LATS2: variants seen among roughly 807,000 people sequenced by gnomAD.
LATS2 encodes large tumor suppressor kinase 2.
LATS2 carries 24 observed loss-of-function variants against 76.0 expected under a neutral mutation model. That is an observed-to-expected ratio of 0.32 (90% CI 0.23 to 0.44). LATS2 has a LOEUF of 0.44. LATS2 is among the 20% of genes least tolerant of loss of function. The pLI is 1.00. For missense variants in LATS2, 1,286 were observed against 1,481.2 expected (o/e 0.87, Z 2.16); for synonymous variants, 692 against 635.4 (o/e 1.09, Z -1.34).
Position 20,981,589 on chromosome 13 carries a change from A to T in LATS2, c.2542T>A (p.Cys848Ser), listed in dbSNP as rs1278399213. ...PSDLWDDVSN[C>S]RCGDRLKTLE... ...GTCTTCAGCCTGTCCCCACACCGAC[A>T]GTTAGACACATCATCCCAGAGGTCG... is the stretch of plus-strand genomic sequence containing the variant. Residue 848 changes from cysteine (C) to serine (S), a missense_variant, in exon 6 of 8, where the codon TGT (cysteine) becomes AGT (serine). Cys to Ser is a moderately radical substitution (Grantham distance 112, BLOSUM62 -1). Around this residue, in one of 5 missense-constraint regions of LATS2, gnomAD observed 247 missense variants for 385.4 expected, o/e 0.64. Transcript: ENST00000382592. The T allele has an allele frequency of 6.2e-7, 1 of 1,614,072 alleles. No homozygotes were observed. Among genetic ancestry groups the T allele is most frequent in the Non-Finnish European group, 8.5e-7 (1 of 1,180,024 alleles).
At chr13:21,012,611 G>A (rs1056998535) in intron 2 of LATS2, among the ~76,000 whole-genome samples, 1 of 152,158 alleles carries the variant, frequency 6.6e-6, no homozygotes, top group African/African-American at 2.4e-5. Flanking sequence ...CCTATCTTAT[G>A]ATTCTTTTCT....
At chr13:21,060,461 G>C (rs1460297141) in intron 1 of LATS2, among the ~76,000 whole-genome samples, 1 of 152,214 alleles carries the variant, frequency 6.6e-6, no homozygotes, top group Non-Finnish European at 1.5e-5. Flanking sequence ...CCTGCGCCTC[G>C]GGCCGCGTCC....
At chr13:21,009,447 T>C (rs1356114283) in intron 2 of LATS2, among the ~76,000 whole-genome samples, 1 of 152,146 alleles carries the variant, frequency 6.6e-6, no homozygotes, top group Non-Finnish European at 1.5e-5. Context: ...CCCATACTCT[T>C]TGGGCCCAGC....
chr13:21,047,916 T>C (rs1873130050), intron 1 of LATS2, among the ~76,000 whole-genome samples: 1 of 152,168 alleles, frequency 6.6e-6, no homozygotes. Flanking sequence ...GAAGATTCCA[T>C]TTAGAAGATA....
At chr13:21,008,127 C>G (rs1871432283) in intron 2 of LATS2, among the ~76,000 whole-genome samples, 1 of 152,046 alleles carries the variant, frequency 6.6e-6, no homozygotes, top group Admixed American at 6.6e-5. Flanking sequence ...CAGAGGTGGA[C>G]GAGGAGCTGA....
At chr13:21,032,311 G>A (rs1872554953) in intron 2 of LATS2, among the ~76,000 whole-genome samples, 1 of 152,018 alleles carries the variant, frequency 6.6e-6, no homozygotes, top group Admixed American at 6.5e-5. Flanking sequence ...TGTCACCCAG[G>A]CTGGAGTGCA....
intron 2 of LATS2, among the ~76,000 whole-genome samples, chr13:21,028,027 C>T (rs1273115707): frequency 6.6e-6 from 1 of 151,822 alleles, no homozygotes; most frequent in African/African-American, 2.4e-5. Flanking sequence ...TGTGCTGCAC[C>T]CATTAACTCG....
intron 2 of LATS2, among the ~76,000 whole-genome samples, chr13:21,029,371 T>C (rs1308331998): frequency 1.3e-5 from 2 of 152,266 alleles, no homozygotes; most frequent in Admixed American, 6.5e-5. Flanking sequence ...ATTAATTATA[T>C]TGATTTTCTA....
intron 2 of LATS2, among the ~76,000 whole-genome samples, chr13:21,007,764 T>A (rs1379898207): frequency 1.3e-4 from 6 of 46,928 alleles, no homozygotes; most frequent in African/African-American, 2.7e-4. Context: ...ATATATATTT[T>A]TTTTTTTTTT....
chr13:21,050,950 C>A (rs1391193710), intron 1 of LATS2, among the ~76,000 whole-genome samples: 1 of 152,162 alleles, frequency 6.6e-6, no homozygotes, highest in Non-Finnish European at 1.5e-5. Flanking sequence ...TGAGGGGGGG[C>A]AGGAAAAGGC....
intron 4 of LATS2, among the ~76,000 whole-genome samples, chr13:20,985,249 A>C (rs758415673): frequency 5.3e-5 from 8 of 152,212 alleles, no homozygotes; most frequent in Admixed American, 1.3e-4. Context: ...AGGCAAAAAA[A>C]CCCCAAAGTA....
chr13:21,054,803 GT>G (rs879706981), intron 1 of LATS2, among the ~76,000 whole-genome samples: 2 of 151,958 alleles, frequency 1.3e-5, no homozygotes, highest in South Asian at 2.1e-4. Context: ...TATGAAAAAT[GT>G]CAAACATACA....
At chr13:21,046,849 T>C (rs902068841) in intron 1 of LATS2, among the ~76,000 whole-genome samples, 10 of 152,214 alleles carry the variant, frequency 6.6e-5, no homozygotes, top group Non-Finnish European at 1.2e-4. Flanking sequence ...AGGTAACTAC[T>C]TCCTTTGTTT....
At position 20,991,128 on chromosome 13, in the gene LATS2, C is replaced by G; in HGVS notation, c.475+144G>C. 1 of 1,062,442 alleles carries G rather than the reference C, an allele frequency of 9.4e-7. No individual in the cohort carries two copies. The highest frequency in any genetic ancestry group is 1.5e-5 in the South Asian group (1 of 66,366). The allele number at this position is 1,062,442 out of a possible 1,614,324, so 65.8% of individuals were successfully genotyped here. ...TGACTCTGTCAGGGCAGGGCAGGCTCAGCTTGCCTGTTAACTGAATGAGGC... is the reference window on the plus strand; with the variant it reads ...TGACTCTGTCAGGGCAGGGCAGGCTGAGCTTGCCTGTTAACTGAATGAGGC... On this transcript the variant is annotated intron_variant, in intron 3 of 7. Coordinates refer to ENST00000382592, the MANE Select transcript of LATS2 (RefSeq NM_014572.3). This position sits in a 1 kb window ranked among gnomAD's most constrained non-coding sequence, Gnocchi z 4.9.
intron 2 of LATS2, among the ~76,000 whole-genome samples, chr13:21,024,109 A>G (rs1278614637): frequency 1.6e-4 from 24 of 147,036 alleles, no homozygotes; most frequent in South Asian, 4.4e-4. Flanking sequence ...AAAAAAAAAA[A>G]AAAAAAGAAA....
At chr13:20,979,860 T>A in intron 6 of LATS2, 63 bp from the exon 7 acceptor site, 1 of 910,710 alleles carries the variant, frequency 1.1e-6, no homozygotes, top group Non-Finnish European at 1.8e-6. Flanking sequence ...GTGAATTTCA[T>A]TAAGATGCTG....
At chr13:21,030,385 C>T (rs896370242) in intron 2 of LATS2, among the ~76,000 whole-genome samples, 17 of 151,922 alleles carry the variant, frequency 1.1e-4, no homozygotes, top group African/African-American at 3.6e-4. Flanking sequence ...GTCAGGAGAT[C>T]GAGACCATCC....
chr13:21,015,378 T>G (rs1871758431), intron 2 of LATS2, among the ~76,000 whole-genome samples: 1 of 152,188 alleles, frequency 6.6e-6, no homozygotes, highest in Admixed American at 6.5e-5. Flanking sequence ...TAGTGGGGAC[T>G]GGACATCATA....
At position 20,988,978 on chromosome 13, in the gene LATS2, C is replaced by T. The variant is rs945250367; in HGVS notation, c.802G>A (p.Gly268Arg). The T allele has an allele frequency of 1.9e-6, 3 of 1,541,612 alleles. No individual in the cohort carries two copies. The highest frequency in any genetic ancestry group is 2.4e-5 in the East Asian group (1 of 41,258). The stretch of plus-strand genomic sequence containing the variant: ...TGGAAGGAGGGGCTGCGCTGCACTC[C>T]GTAGCCCAGGGGTTCCCCAGGCACC... ...LLVPGEPLGY[G>R]VQRSPSFQSK... The change falls in exon 4 of 8, where the codon GGA (glycine) becomes AGA (arginine). Residue 268 changes from glycine to arginine, a missense_variant. By Grantham distance (125) the Gly-to-Arg change is moderately radical (BLOSUM62 -2). This residue lies in a region of LATS2 where 710 missense variants were observed against 660.9 expected (regional missense o/e 1.07). Coordinates refer to ENST00000382592, the MANE Select transcript of LATS2 (RefSeq NM_014572.3).
Sources: gnomAD v4.1 joint callset for allele counts (sites outside exome capture counted in the v4.1 genomes callset) on GRCh38, gnomAD v4.1.1 for gene constraint, gnomAD v4.1.1 regional missense constraint, Gnocchi (gnomAD v3.1) non-coding constraint, MANE v1.5 for transcripts, NCBI Gene and HGNC (gene_info 2026-07-23, HGNC 2026-07-21) for gene names.